ZP4: variants seen among roughly 807,000 people sequenced by gnomAD.
ZP4 encodes the protein zona pellucida sperm-binding protein 4.
Under a neutral mutation model 62.3 loss-of-function variants are expected in ZP4, and 62 were observed. That is an observed-to-expected ratio of 0.99 (90% CI 0.81 to 1.23). The LOEUF is 1.23. ZP4 is among the 50% of genes most tolerant of loss of function. The pLI, the probability that ZP4 is intolerant of heterozygous loss-of-function variation, is 0.00. For synonymous variants in ZP4, 289 were observed against 247.3 expected (o/e 1.17, Z -1.58); for missense variants, 774 against 656.0 (o/e 1.18, Z -1.97).
chr1:237,883,733 G>A (rs192702080), intron 10 of ZP4, among the ~76,000 whole-genome samples: 2,440 of 44,998 alleles, frequency 0.054, 791 homozygotes, highest in African/African-American at 0.24. Flanking sequence ...GCGGGGGAGG[G>A]AGAGAGAGGG....
chr1:237,890,257 C>T (rs1665210017), intron 1 of ZP4, 81 bp from the exon 2 acceptor site: 1 of 1,598,808 alleles, frequency 6.3e-7, no homozygotes, highest in South Asian at 1.1e-5. Flanking sequence ...GCCATTAGAC[C>T]CCAAGGAGCA....
At chr1:237,887,651 C>T in intron 4 of ZP4, 90 bp from the exon 5 acceptor site, 1 of 1,366,638 alleles carries the variant, frequency 7.3e-7, no homozygotes, top group Non-Finnish European at 9.9e-7. Flanking sequence ...TACTTTTAAT[C>T]CCACTGAGAA....
chr1:237,884,063 A>C (rs1048008027), intron 10 of ZP4, among the ~76,000 whole-genome samples: 29 of 138,012 alleles, frequency 2.1e-4, no homozygotes, highest in African/African-American at 7.2e-4. Context: ...AACACACACA[A>C]ACACACACAA....
At chr1:237,882,898 A>G (rs572028545) in intron 10 of ZP4, 52 bp from the exon 11 acceptor site, 9 of 1,515,248 alleles carry the variant, frequency 5.9e-6, no homozygotes, top group Non-Finnish European at 7.3e-6. Flanking sequence ...CACATAGGGC[A>G]GGGATAGAAA....
chr1:237,887,635 CTTAG>C, intron 4 of ZP4, 74 bp from the exon 5 acceptor site: 2 of 1,480,892 alleles, frequency 1.4e-6, no homozygotes, highest in Non-Finnish European at 9.1e-7. Flanking sequence ...AGTCTAACCA[CTTAG>C]TTACTTTTAA....
intron 6 of ZP4, 56 bp from the exon 7 acceptor site, chr1:237,885,942 C>A: frequency 1.2e-6 from 2 of 1,604,476 alleles, no homozygotes; most frequent in East Asian, 4.5e-5. Context: ...GTCAGTTACA[C>A]ATCCTTTCTT....
At position 237,885,550 on chromosome 1, in the gene ZP4, C is replaced by A. The variant is rs778066940; in HGVS notation, c.1001G>T (p.Gly334Val). 9 of 1,613,848 alleles carry A rather than the reference C, an allele frequency of 5.6e-6. No homozygotes were observed. The East Asian group carries it at 2.0e-4, about 36-fold the overall frequency. The change falls in exon 8 of 12, where the codon GGT becomes GTT. Residue 334 changes from glycine to valine, a missense_variant. Gly to Val is a moderately radical substitution (Grantham distance 109, BLOSUM62 -3). Transcript: ENST00000366570. Reference protein sequence around the residue: ...DKNYGSYYGVGDYPVVKLLRD... With the variant: ...DKNYGSYYGVVDYPVVKLLRD... ...AAGCAACTTCACCACTGGGTAGTCA[C>A]CAACACCGTAGTAAGAGCCATAGTT...
intron 10 of ZP4, among the ~76,000 whole-genome samples, chr1:237,883,991 CACACACACACACACACACACACACAA>C (rs1558530801): frequency 4.6e-3 from 224 of 48,360 alleles, no homozygotes; most frequent in East Asian, 7.6e-3. Flanking sequence ...CAAACACACA[CACACACACACACACACACACACACAA>C]ACACACACAC....
chr1:237,882,712 A>AG, intron 11 of ZP4, 30 bp downstream of exon 11: 1 of 1,607,486 alleles, frequency 6.2e-7, no homozygotes, highest in Non-Finnish European at 8.5e-7. Flanking sequence ...TTAGTTCACT[A>AG]GTTTGATCTC....
intron 6 of ZP4, among the ~76,000 whole-genome samples, chr1:237,886,439 T>G (rs549046072): frequency 1.3e-5 from 2 of 152,124 alleles, no homozygotes; most frequent in Non-Finnish European, 2.9e-5. Context: ...ACTTAAGGTT[T>G]TAAAGGAATT....
intron 10 of ZP4, among the ~76,000 whole-genome samples, chr1:237,884,512 A>G (rs1210061321): frequency 1.3e-5 from 2 of 152,162 alleles, no homozygotes; most frequent in Non-Finnish European, 2.9e-5. Flanking sequence ...TAGGCCATAA[A>G]CTGCCTTGGT....
rs756083005 is a variant in ZP4 at position 237,882,723 on chromosome 1, C to T, written c.1495+19G>A. The T allele has an allele frequency of 3.1e-6, 5 of 1,611,236 alleles. No homozygotes were observed. The highest frequency in any genetic ancestry group is 3.4e-5 in the Admixed American group (2 of 59,508). Reference sequence around the variant, plus strand: ...TAATTTAGTTCACTAGTTTGATCTCCTCCCTCTTGGATACTTACGGAGCTT... The same window carrying T: ...TAATTTAGTTCACTAGTTTGATCTCTTCCCTCTTGGATACTTACGGAGCTT... On this transcript the variant is annotated intron_variant, in intron 11 of 11. Transcript: ENST00000366570.
chr1:237,886,002 G>T, intron 6 of ZP4, 116 bp from the exon 7 acceptor site: 1 of 1,412,104 alleles, frequency 7.1e-7, no homozygotes, highest in Non-Finnish European at 9.6e-7. Context: ...AAGTGTGATG[G>T]ATGTGGTTCC....
intron 8 of ZP4, 31 bp from the exon 9 acceptor site, chr1:237,885,346 G>T (rs1162290547): frequency 1.9e-6 from 3 of 1,611,656 alleles, no homozygotes; most frequent in East Asian, 4.5e-5. Context: ...GTCAGGATGG[G>T]CTTCTTTGAG....
chr1:237,888,332 T>C lies in ZP4; in HGVS notation c.553+26A>G, dbSNP rs567078113. ...GTAATTGCCACACTTCCTCAGCTGG[T>C]TTCAGAGGTGTGCTCACTTACTCAC... On this transcript the variant is annotated intron_variant, in intron 4 of 11. Transcript: ENST00000366570. The C allele has an allele frequency of 4.6e-6, 7 of 1,535,708 alleles. No homozygotes were observed. In the Admixed American group the frequency reaches 7.3e-5, roughly 16 times the overall value.
chr1:237,883,959 C>CAA (rs1401679353), intron 10 of ZP4, among the ~76,000 whole-genome samples: 47 of 84,962 alleles, frequency 5.5e-4, no homozygotes, highest in Admixed American at 1.1e-3. Context: ...GAACTGGTCA[C>CAA]ACACACAAAC....
chr1:237,889,470 C>T (rs960270500), intron 3 of ZP4, among the ~76,000 whole-genome samples: 5 of 151,998 alleles, frequency 3.3e-5, no homozygotes, highest in Non-Finnish European at 7.4e-5. Context: ...AGGCATGTAC[C>T]ACCACACCCG....
intron 1 of ZP4, 30 bp downstream of exon 1, chr1:237,890,431 T>C: frequency 1.3e-6 from 2 of 1,590,830 alleles, no homozygotes; most frequent in Non-Finnish European, 1.7e-6. Flanking sequence ...TATCATTGCT[T>C]GGCTAAGCAA....
chr1:237,882,761 C>CT lies in ZP4; in HGVS notation c.1475dup (p.Asp493GlyfsTer?), dbSNP rs1664946057. ...ACTTACGGAGCTTTTCTGGAGGGTC[C>CT]TTAGTGGCTTGGAGTAGAATCATGG... On this transcript the variant is annotated frameshift_variant, in exon 11 of 12. Coordinates refer to ENST00000366570, the MANE Select transcript of ZP4 (RefSeq NM_021186.5). LOFTEE classifies it low-confidence loss of function (END_TRUNC). 6.2e-7 allele frequency: 1 copy of CT among 1,614,094 alleles called. No homozygotes were observed. Among genetic ancestry groups the CT allele is most frequent in the South Asian group, 1.1e-5 (1 of 91,078 alleles).
Sources: gnomAD v4.1 joint callset for allele counts (sites outside exome capture counted in the v4.1 genomes callset) on GRCh38, gnomAD v4.1.1 for gene constraint, MANE v1.5 for transcripts, NCBI Gene and HGNC (gene_info 2026-07-23, HGNC 2026-07-21) for gene names.